The following GALNT2 variants were observed in gnomAD, a reference collection of about 807,000 sequenced individuals.
The protein encoded by GALNT2 is polypeptide N-acetylgalactosaminyltransferase 2.
In GALNT2, 31 loss-of-function variants were observed where a neutral mutation model predicts 81.4. The ratio of observed to expected loss-of-function variants is 0.38; its 90% CI spans 0.29 to 0.51. GALNT2 has a LOEUF of 0.51. Among genes scored for constraint, GALNT2 ranks in the 20% least tolerant of loss-of-function variants. GALNT2 has a pLI of 0.87. For synonymous variants in GALNT2, 303 were observed against 287.4 expected, an observed-to-expected ratio of 1.05 and a Z score of -0.55; for missense variants, 629 against 765.7, an observed-to-expected ratio of 0.82 and a Z score of 2.11.
chr1:230,063,226 G>T (rs1659090395), upstream of GALNT2, among the ~76,000 whole-genome samples: 1 of 151,750 alleles, frequency 6.6e-6, no homozygotes, highest in South Asian at 2.1e-4. Context: ...CAGGAGAATG[G>T]CTTGACCCCA....
At chr1:230,127,207 C>T (rs1661211905) in intron 1 of GALNT2, among the ~76,000 whole-genome samples, 1 of 151,994 alleles carries the variant, frequency 6.6e-6, no homozygotes, top group Non-Finnish European at 1.5e-5. Context: ...GTGAGCCCCG[C>T]CTGCGCTGGT....
chr1:230,242,887 T>G (rs913329858), intron 6 of GALNT2, among the ~76,000 whole-genome samples: 1 of 152,186 alleles, frequency 6.6e-6, no homozygotes, highest in African/African-American at 2.4e-5. Context: ...CACAACACTG[T>G]TGCAAATATT....
chr1:230,278,204 G>A (rs556029051), intron 15 of GALNT2, among the ~76,000 whole-genome samples: 10 of 149,230 alleles, frequency 6.7e-5, no homozygotes, highest in African/African-American at 2.2e-4. Flanking sequence ...CTGCAGCCTC[G>A]AACTCCTGTG....
chr1:230,259,016 G>A (rs1345745216), intron 11 of GALNT2: 1 of 152,178 alleles, frequency 6.6e-6, no homozygotes, highest in Non-Finnish European at 1.5e-5. Context: ...TTATTTTGGG[G>A]CAGCATGGAT....
rs1266358915 is a variant in GALNT2 at position 230,275,981 on chromosome 1, ACG to A, written c.1560+1418_1560+1419del. 1.3e-5 allele frequency among the ~76,000 whole-genome samples: 1 copy of A among 78,232 alleles called. No individual in the cohort carries two copies. 51.3% of individuals were successfully genotyped at this position (78,232 alleles called of 152,430 possible). On this transcript the variant is annotated intron_variant, in intron 15 of 15. Coordinates refer to ENST00000366672, the MANE Select transcript of GALNT2 (RefSeq NM_004481.5). This position sits in a 1 kb window ranked among gnomAD's most constrained non-coding sequence, Gnocchi z 5.5. ...GTATATATACATGCCACATATATAT[ACG>A]TATATATACATGCCACATATATATA... is the stretch of plus-strand genomic sequence containing the variant.
intron 1 of GALNT2, among the ~76,000 whole-genome samples, chr1:230,069,759 G>A (rs149595703): frequency 2.5e-4 from 38 of 151,126 alleles, no homozygotes; most frequent in Admixed American, 6.6e-4. Context: ...AAAAGATAGC[G>A]GGCCATGCAC....
intron 10 of GALNT2, 38 bp downstream of exon 10, chr1:230,250,598 C>A: frequency 6.8e-7 from 1 of 1,478,736 alleles, no homozygotes; most frequent in Admixed American, 1.9e-5. Context: ...AGAGAAGTGC[C>A]TCAGCTCTGC....
At chr1:230,175,092 G>A (rs985859382) in intron 1 of GALNT2, among the ~76,000 whole-genome samples, 19 of 152,146 alleles carry the variant, frequency 1.2e-4, no homozygotes, top group Admixed American at 2.6e-4. Context: ...CAAGGCCTTC[G>A]GTAGGGGTGG....
chr1:230,123,335 T>TG lies in GALNT2; in HGVS notation c.127-54878dup, dbSNP rs534325950. 1.6e-4 allele frequency among the ~76,000 whole-genome samples: 25 copies of TG among 152,318 alleles called. No individual in the cohort carries two copies. The South Asian group carries it at 2.3e-3, about 14-fold the overall frequency. On this transcript the variant is annotated intron_variant, in intron 1 of 15. Coordinates refer to ENST00000366672, the MANE Select transcript of GALNT2 (RefSeq NM_004481.5). Reference sequence around the variant, plus strand: ...AGGATGAACATTATGCTGTTGTCTCTGGGGGCCAACCCGTTAGGGGAGTTC... The same window carrying TG: ...AGGATGAACATTATGCTGTTGTCTCTGGGGGGCCAACCCGTTAGGGGAGTTC...
intron 1 of GALNT2, among the ~76,000 whole-genome samples, chr1:230,138,481 C>T (rs148455795): frequency 0.011 from 1,590 of 149,680 alleles, 11 homozygotes; most frequent in Middle Eastern, 0.027. Flanking sequence ...GCTGAGATCA[C>T]GCCTCTGCAC....
At position 230,124,041 on chromosome 1, in the gene GALNT2, G is replaced by A. The variant is rs569678862; in HGVS notation, c.127-54177G>A. Among the ~76,000 whole-genome samples the A allele has an allele frequency of 1.2e-4, 19 of 152,334 alleles. No homozygotes were observed. In the South Asian group the frequency reaches 3.7e-3, roughly 30 times the overall value. On this transcript the variant is annotated intron_variant, in intron 1 of 15. Transcript: ENST00000366672. ...AGCATGTGGATAGTGACGTGAGGAT[G>A]ACCTGAAGATATGACTCCCTGTCCT... is the stretch of plus-strand genomic sequence containing the variant.
intron 1 of GALNT2, among the ~76,000 whole-genome samples, chr1:230,077,404 G>A (rs1003231497): frequency 6.6e-6 from 1 of 152,022 alleles, no homozygotes; most frequent in Non-Finnish European, 1.5e-5. Context: ...CATCAATTCC[G>A]AGAGGCCATT....
At chr1:230,164,909 A>G (rs1662553588) in intron 1 of GALNT2, among the ~76,000 whole-genome samples, 1 of 152,046 alleles carries the variant, frequency 6.6e-6, no homozygotes, top group South Asian at 2.1e-4. Flanking sequence ...CAAACCTTAA[A>G]AGCAGAGGTC....
intron 11 of GALNT2, among the ~76,000 whole-genome samples, chr1:230,255,628 G>A (rs376619060): frequency 2.6e-5 from 4 of 152,256 alleles, no homozygotes; most frequent in East Asian, 3.9e-4. Flanking sequence ...GACCAGTGGT[G>A]GCCAGGAGCT....
intron 1 of GALNT2, among the ~76,000 whole-genome samples, chr1:230,152,943 G>GA (rs1301384223): frequency 6.6e-6 from 1 of 152,212 alleles, no homozygotes; most frequent in Non-Finnish European, 1.5e-5. Flanking sequence ...GTGGTTTAGG[G>GA]AAAATCACTC....
chr1:230,130,025 G>C (rs764994746), intron 1 of GALNT2, among the ~76,000 whole-genome samples: 1 of 152,212 alleles, frequency 6.6e-6, no homozygotes, highest in Non-Finnish European at 1.5e-5. Context: ...TGACCTCCAT[G>C]TTCTTACTTG....
intron 2 of GALNT2, among the ~76,000 whole-genome samples, chr1:230,202,734 CT>C: frequency 6.6e-6 from 1 of 152,192 alleles, no homozygotes; most frequent in African/African-American, 2.4e-5. Context: ...GATGGAATAC[CT>C]TATGTGCAGT....
rs781057368 is a variant in GALNT2, at chr1:230,236,116, AG to A, written c.473+6del. On this transcript the variant is annotated splice_donor_5th_base_variant and intron_variant, in intron 4 of 15. Transcript: ENST00000366672. The stretch of plus-strand genomic sequence containing the variant: ...CCCTACTCAGGACCGTGGTCAGGTG[AG>A]GCCAGGAGATGCATTACCTGTCAGG... 2 of 1,613,526 alleles carry A rather than the reference AG, an allele frequency of 1.2e-6. No homozygotes were observed. The highest frequency in any genetic ancestry group is 1.7e-6 in the Non-Finnish European group (2 of 1,179,552).
intron 3 of GALNT2, among the ~76,000 whole-genome samples, chr1:230,212,355 A>G (rs570270086): frequency 1.9e-4 from 29 of 152,242 alleles, no homozygotes; most frequent in African/African-American, 6.5e-4. Context: ...CAGCCAAACA[A>G]CCTCCTAAGG....
Sources: allele counts gnomAD v4.1 joint callset (sites outside exome capture counted in the v4.1 genomes callset), GRCh38; gene constraint gnomAD v4.1.1; non-coding constraint Gnocchi (gnomAD v3.1); transcripts MANE v1.5; gene names NCBI Gene and HGNC (gene_info 2026-07-23, HGNC 2026-07-21).